Variants in PDLIM5 observed in about 807,000 individuals in gnomAD.
PDLIM5 encodes PDZ and LIM domain 5.
A neutral mutation model predicts 64.2 loss-of-function variants in PDLIM5; 34 were observed. The observed-to-expected ratio is 0.53, with a 90% CI of 0.40 to 0.71. PDLIM5 has a LOEUF of 0.71. Ranked by LOEUF, PDLIM5 falls within the 30% of genes least tolerant of loss-of-function variation. The pLI is 0.00. For missense variants in PDLIM5, 683 were observed against 733.6 expected (o/e 0.93, Z 0.80); for synonymous variants, 253 against 269.1 (o/e 0.94, Z 0.59).
At chr4:94,580,612 T>A (rs1445437471) in intron 5 of PDLIM5, among the ~76,000 whole-genome samples, 2 of 152,170 alleles carry the variant, frequency 1.3e-5, no homozygotes, top group African/African-American at 4.8e-5. Flanking sequence ...AATTTTTTTT[T>A]AATTCAAGAT....
intron 3 of PDLIM5, among the ~76,000 whole-genome samples, chr4:94,553,688 A>G (rs1733014309): frequency 6.6e-6 from 1 of 152,080 alleles, no homozygotes. Context: ...TGTGTGGATT[A>G]CCTTAGTGTG....
chr4:94,476,029 T>A (rs780189848), intron 2 of PDLIM5, among the ~76,000 whole-genome samples: 8 of 152,194 alleles, frequency 5.3e-5, no homozygotes, highest in African/African-American at 9.7e-5. Flanking sequence ...CTTAGGTCAT[T>A]TCAACTGTTA....
chr4:94,654,715 A>C, intron 10 of PDLIM5, 75 bp downstream of exon 10: 1 of 930,330 alleles, frequency 1.1e-6, no homozygotes, highest in South Asian at 1.6e-5. Flanking sequence ...GTCTTCTATC[A>C]CTTTAACTTT....
At chr4:94,613,748 C>T (rs1380937467) in intron 7 of PDLIM5, among the ~76,000 whole-genome samples, 1 of 151,798 alleles carries the variant, frequency 6.6e-6, no homozygotes, top group Non-Finnish European at 1.5e-5. Flanking sequence ...ATTTAGAAAA[C>T]ATTTAAATTT....
chr4:94,639,722 T>G (rs1740846442), intron 8 of PDLIM5, among the ~76,000 whole-genome samples: 1 of 152,186 alleles, frequency 6.6e-6, no homozygotes. Context: ...TAATTAATGG[T>G]TAGCAGAGAT....
intron 7 of PDLIM5, among the ~76,000 whole-genome samples, chr4:94,602,790 G>C (rs1383873970): frequency 6.6e-6 from 1 of 152,010 alleles, no homozygotes. Flanking sequence ...TCATTCCACT[G>C]AAGTTATTCT....
intron 3 of PDLIM5, among the ~76,000 whole-genome samples, chr4:94,569,388 C>T (rs191614858): frequency 1.3e-5 from 2 of 152,222 alleles, no homozygotes; most frequent in African/African-American, 2.4e-5. Context: ...GGCACAATCT[C>T]GGCTCACTGC....
intron 2 of PDLIM5, among the ~76,000 whole-genome samples, chr4:94,486,314 A>G (rs1053144626): frequency 1.3e-5 from 2 of 152,236 alleles, no homozygotes; most frequent in Middle Eastern, 3.4e-3. Context: ...ACATTCTCTT[A>G]TTTATAGGGT....
chr4:94,545,338 A>G, intron 3 of PDLIM5, among the ~76,000 whole-genome samples: 1 of 152,188 alleles, frequency 6.6e-6, no homozygotes, highest in East Asian at 1.9e-4. Context: ...CCATGTACTC[A>G]TATAATATCT....
chr4:94,577,063 C>T, intron 5 of PDLIM5: 2 of 377,678 alleles, frequency 5.3e-6, no homozygotes. Flanking sequence ...TAATGATGGT[C>T]ATTTTATTGC....
At chr4:94,467,722 T>G (rs1030405677) in intron 2 of PDLIM5, among the ~76,000 whole-genome samples, 1 of 152,200 alleles carries the variant, frequency 6.6e-6, no homozygotes, top group African/African-American at 2.4e-5. Flanking sequence ...GACCCTTACT[T>G]CCCAAGGTGG....
chr4:94,621,300 C>G (rs72880403), intron 8 of PDLIM5, among the ~76,000 whole-genome samples: 8,170 of 152,084 alleles, frequency 0.054, 744 homozygotes, highest in African/African-American at 0.18. Flanking sequence ...AACTGACTTA[C>G]CATGATCTAT....
intron 2 of PDLIM5, among the ~76,000 whole-genome samples, chr4:94,493,245 T>G (rs970055283): frequency 6.6e-6 from 1 of 152,178 alleles, no homozygotes; most frequent in Admixed American, 6.6e-5. Context: ...AAAACTATAT[T>G]CTAGATACAA....
intron 2 of PDLIM5, among the ~76,000 whole-genome samples, chr4:94,499,209 T>C (rs532095664): frequency 2.3e-4 from 35 of 152,312 alleles, no homozygotes; most frequent in African/African-American, 8.4e-4. Context: ...ACATGCATAT[T>C]ATATTTTACT....
intron 3 of PDLIM5, among the ~76,000 whole-genome samples, chr4:94,525,416 GCCCCA>G (rs1730262081): frequency 6.7e-6 from 1 of 149,860 alleles, no homozygotes. Context: ...ACACTCTGTC[GCCCCA>G]CCCCCCAAAA....
At chr4:94,643,049 T>C (rs1270039609) in intron 9 of PDLIM5, among the ~76,000 whole-genome samples, 1 of 152,164 alleles carries the variant, frequency 6.6e-6, no homozygotes, top group Non-Finnish European at 1.5e-5. Flanking sequence ...CATTTTATGT[T>C]TTATTTTATT....
chr4:94,642,928 G>A (rs867143261), intron 9 of PDLIM5, among the ~76,000 whole-genome samples: 12 of 152,114 alleles, frequency 7.9e-5, no homozygotes, highest in Admixed American at 3.3e-4. Flanking sequence ...TGAGTTTTCT[G>A]TCATATAATT....
intron 2 of PDLIM5, among the ~76,000 whole-genome samples, chr4:94,478,427 T>C (rs567468195): frequency 7.2e-5 from 11 of 152,074 alleles, no homozygotes; most frequent in Admixed American, 2.0e-4. Flanking sequence ...GGGATGGGGG[T>C]TGGCACATCC....
At chr4:94,612,472 T>C (rs901352702) in intron 7 of PDLIM5, among the ~76,000 whole-genome samples, 6 of 152,148 alleles carry the variant, frequency 3.9e-5, no homozygotes, top group African/African-American at 1.2e-4. Context: ...AGTACTTGAG[T>C]ACACTTAGAC....
Sources: gnomAD v4.1 joint callset for allele counts (sites outside exome capture counted in the v4.1 genomes callset) on GRCh38, gnomAD v4.1.1 for gene constraint, MANE v1.5 for transcripts, NCBI Gene and HGNC (gene_info 2026-07-23, HGNC 2026-07-21) for gene names.